RBL2: variants seen among roughly 807,000 people sequenced by gnomAD.
RBL2 encodes retinoblastoma-like protein 2.
Under a neutral mutation model 126.0 loss-of-function variants are expected in RBL2, and 56 were observed. The ratio of observed to expected loss-of-function variants is 0.44; its 90% CI spans 0.36 to 0.56. RBL2 has a LOEUF of 0.56. Among genes scored for constraint, RBL2 ranks in the 20% least tolerant of loss-of-function variants. The pLI, the probability that RBL2 is intolerant of heterozygous loss-of-function variation, is 0.00. For synonymous variants in RBL2, 454 were observed against 478.5 expected (o/e 0.95, Z 0.67); for missense variants, 1,229 against 1,398.2 (o/e 0.88, Z 1.93).
At chr16:53,453,306 C>T (rs9941254) in intron 5 of RBL2, 146 bp from the exon 6 acceptor site, 251,373 of 566,638 alleles carry the variant, frequency 0.44, 58,839 homozygotes, top group Middle Eastern at 0.56. Context: ...AAATTCTTAG[C>T]GTTGAAATAG....
At chr16:53,460,478 C>T (rs1011879874) in intron 9 of RBL2, among the ~76,000 whole-genome samples, 1 of 152,166 alleles carries the variant, frequency 6.6e-6, no homozygotes, top group Non-Finnish European at 1.5e-5. Flanking sequence ...GTGGCCTCTT[C>T]CTGAGTCATG....
intron 2 of RBL2, among the ~76,000 whole-genome samples, 184 bp from the exon 3 acceptor site, chr16:53,442,474 G>A (rs1318111813): frequency 6.6e-6 from 1 of 152,160 alleles, no homozygotes; most frequent in African/African-American, 2.4e-5. Context: ...TGGATTAGGA[G>A]GATCAGAGGA....
intron 17 of RBL2, among the ~76,000 whole-genome samples, chr16:53,472,295 G>T (rs1960550643): frequency 6.6e-6 from 1 of 152,028 alleles, no homozygotes; most frequent in Non-Finnish European, 1.5e-5. Context: ...GGAACTGCAG[G>T]GTCATATGGT....
Position 53,470,121 on chromosome 16 carries a change from G to A in RBL2, c.2181G>A (p.Leu727=). 1 of 1,613,142 alleles carries A rather than the reference G, an allele frequency of 6.2e-7. No homozygotes were observed. The highest frequency in any genetic ancestry group is 8.5e-7 in the Non-Finnish European group (1 of 1,179,158). The change falls in exon 15 of 22, where the codon TTG becomes TTA. Residue 727 remains leucine, a synonymous_variant. Transcript: ENST00000262133. ...VSVTPVPGQT[L]VTMATATVTA... The stretch of plus-strand genomic sequence containing the variant: ...TCACACCAGTTCCTGGACAGACTTT[G>A]GTCACCATGGCAACCGCCACTGTCA...
In RBL2 at chr16:53,462,527, GT is replaced by G. The variant is rs55875935; in HGVS notation, c.1457-14del. On this transcript the variant is annotated intron_variant, in intron 10 of 21. Transcript: ENST00000262133. ...TTTCTTTGTGTGCCATTTTTGTGGG[GT>G]TTTTTTTTTTATTATTTCTACAGAA... is the stretch of plus-strand genomic sequence containing the variant. 0.19 allele frequency: 208,262 copies of G among 1,092,760 alleles called. 10,831 individuals are homozygous for G. The highest frequency in any genetic ancestry group is 0.3 in the South Asian group (18,920 of 62,224). 67.7% of individuals were successfully genotyped at this position (1,092,760 alleles called of 1,614,324 possible). A position where few individuals can be genotyped will look rare whatever the true frequency, so the allele number is the denominator to read the frequency against.
intron 15 of RBL2, 41 bp downstream of exon 15, chr16:53,470,226 G>C: frequency 6.4e-7 from 1 of 1,574,584 alleles, no homozygotes; most frequent in Non-Finnish European, 8.6e-7. Context: ...CTTCTCTGTG[G>C]CATGTATTGA....
At chr16:53,454,059 G>C (rs1445326556) in intron 7 of RBL2, among the ~76,000 whole-genome samples, 1 of 152,158 alleles carries the variant, frequency 6.6e-6, no homozygotes, top group East Asian at 1.9e-4. Context: ...AAGTCTTCAG[G>C]GGTGCCTAGA....
intron 8 of RBL2, among the ~76,000 whole-genome samples, chr16:53,457,548 C>T (rs2150800158): frequency 6.6e-6 from 1 of 152,138 alleles, no homozygotes; most frequent in East Asian, 1.9e-4. Flanking sequence ...CGTGAGCCAC[C>T]ATGCCCAGCC....
Position 53,464,350 on chromosome 16 carries a change from A to G in RBL2, c.1685A>G (p.Tyr562Cys). Residue 562 changes from tyrosine (Y) to cysteine (C), a missense_variant, in exon 12 of 22, where the codon TAT becomes TGT. Physicochemically the swap from Tyr to Cys is radical, Grantham distance 194. Transcript: ENST00000262133. ...FITEIFDVPL[Y>C]HFYKVIEVFI... ...ACTGAAATATTTGATGTGCCTCTTT[A>G]TCATTTTTATAAGGTATTTTTAAAA... The G allele has an allele frequency of 6.4e-7, 1 of 1,571,218 alleles. No individual in the cohort carries two copies. Among genetic ancestry groups the G allele is most frequent in the Admixed American group, 1.7e-5 (1 of 58,038 alleles).
intron 3 of RBL2, among the ~76,000 whole-genome samples, chr16:53,445,621 G>A (rs183363657): frequency 6.6e-6 from 1 of 152,318 alleles, no homozygotes; most frequent in Non-Finnish European, 1.5e-5. Context: ...ACTGACTGCG[G>A]GAACCCATGT....
rs371410764 is a variant in RBL2 at position 53,479,607 on chromosome 16, G to A, written c.2776-279G>A. The A allele has an allele frequency of 1.3e-5, 6 of 451,446 alleles. No individual in the cohort carries two copies. In the East Asian group the frequency reaches 1.6e-4, roughly 12 times the overall value. 28.0% of individuals were successfully genotyped at this position (451,446 alleles called of 1,614,324 possible). Reference sequence around the variant, plus strand: ...ACCATTCATCTCTGAGAGGCAAATCGGCCAGATCTGTGTATCTTACTTAGA... The same window carrying A: ...ACCATTCATCTCTGAGAGGCAAATCAGCCAGATCTGTGTATCTTACTTAGA... On this transcript the variant is annotated intron_variant, in intron 18 of 21. Coordinates refer to ENST00000262133, the MANE Select transcript of RBL2 (RefSeq NM_005611.4).
chr16:53,470,571 C>T lies in RBL2; in HGVS notation c.2434C>T (p.Pro812Ser). The T allele has an allele frequency of 6.2e-7, 1 of 1,614,124 alleles. No homozygotes were observed. Among genetic ancestry groups the T allele is most frequent in the Non-Finnish European group, 8.5e-7 (1 of 1,180,028 alleles). Reference sequence around the variant, plus strand: ...TCAAGTGGCCATTCAACAGATTTCCCCAGGTGGCCAACAGCAGAAGCAAGG... The same window carrying T: ...TCAAGTGGCCATTCAACAGATTTCCTCAGGTGGCCAACAGCAGAAGCAAGG... ...PGQVAIQQIS[P>S]GGQQQKQGQS... is the part of the protein sequence containing the mutation. The change falls in exon 16 of 22, where the codon CCA becomes TCA. Residue 812 changes from proline to serine, a missense_variant. Pro to Ser is a moderately conservative substitution (Grantham distance 74). This residue lies in a region of RBL2 where 1,070 missense variants were observed against 1,274.3 expected (regional missense o/e 0.84). Coordinates refer to ENST00000262133, the MANE Select transcript of RBL2 (RefSeq NM_005611.4).
chr16:53,464,947 C>T (rs1366915218), intron 12 of RBL2: 1 of 152,652 alleles, frequency 6.6e-6, no homozygotes, highest in Non-Finnish European at 1.5e-5. Context: ...GCGGCCGCCA[C>T]CACACCCGGC....
chr16:53,449,606 A>AT (rs2058094536), intron 4 of RBL2: 1 of 149,260 alleles, frequency 6.7e-6, no homozygotes, highest in African/African-American at 2.5e-5. Flanking sequence ...AAAAAAAAAA[A>AT]GAAACTTGGT....
At position 53,465,424 on chromosome 16, in the gene RBL2, AT is replaced by A; in HGVS notation, c.1699-8del. 3 of 1,384,620 alleles carry A rather than the reference AT, an allele frequency of 2.2e-6. No individual in the cohort carries two copies. The highest frequency in any genetic ancestry group is 2.8e-6 in the Non-Finnish European group (3 of 1,058,162). 85.8% of individuals were successfully genotyped at this position (1,384,620 alleles called of 1,614,324 possible). On this transcript the variant is annotated splice_polypyrimidine_tract_variant and intron_variant, in intron 12 of 21. Transcript: ENST00000262133. The stretch of plus-strand genomic sequence containing the variant: ...TAATAATTATTCAGTGAACCAAGAC[AT>A]TTTTTATTTCAGGTGATAGAAGTAT...
intron 17 of RBL2, among the ~76,000 whole-genome samples, chr16:53,473,241 T>C (rs1312402928): frequency 6.6e-6 from 1 of 152,166 alleles, no homozygotes; most frequent in African/African-American, 2.4e-5. Flanking sequence ...GCTAGGATTC[T>C]GATAGGGTTG....
rs539738120 is a variant in RBL2 at position 53,447,117 on chromosome 16, A to C, written c.637+11A>C. 2.2e-6 allele frequency: 3 copies of C among 1,365,750 alleles called. No homozygotes were observed. Among genetic ancestry groups the C allele is most frequent in the Non-Finnish European group, 3.1e-6 (3 of 975,546 alleles). 84.6% of individuals were successfully genotyped at this position (1,365,750 alleles called of 1,614,324 possible). A position where few individuals can be genotyped will look rare whatever the true frequency, so the allele number is the denominator to read the frequency against. ...TTATATATGCAAAAGGTAAGAAAAT[A>C]GTAATATTTATTTAGATTTAATATG... On this transcript the variant is annotated intron_variant, in intron 4 of 21. Transcript: ENST00000262133.
Position 53,490,364 on chromosome 16 carries a change from A to AT in RBL2, c.*66dup. On this transcript the variant is annotated 3_prime_UTR_variant, in exon 22 of 22. Transcript: ENST00000262133. The stretch of plus-strand genomic sequence containing the variant: ...TAGCAGCAGCCTTTAATGCATCTAG[A>AT]TTATGGAGCTTTTTTCCTTAATCCA... 7.2e-7 allele frequency: 1 copy of AT among 1,380,400 alleles called. No homozygotes were observed. Among genetic ancestry groups the AT allele is most frequent in the East Asian group, 2.4e-5 (1 of 41,510 alleles). 85.5% of individuals were successfully genotyped at this position (1,380,400 alleles called of 1,614,324 possible). A position where few individuals can be genotyped will look rare whatever the true frequency, so the allele number is the denominator to read the frequency against.
At chr16:53,439,862 A>C (rs180983383) in intron 2 of RBL2, among the ~76,000 whole-genome samples, 1 of 149,986 alleles carries the variant, frequency 6.7e-6, no homozygotes, top group African/African-American at 2.5e-5. Context: ...AGGCCTAGCT[A>C]CTTGGGAGGC....
Sources: gnomAD v4.1 joint callset for allele counts (sites outside exome capture counted in the v4.1 genomes callset) on GRCh38, gnomAD v4.1.1 for gene constraint, gnomAD v4.1.1 regional missense constraint, MANE v1.5 for transcripts, NCBI Gene and HGNC (gene_info 2026-07-23, HGNC 2026-07-21) for gene names.